ADARB1: variants seen among roughly 807,000 people sequenced by gnomAD.
ADARB1 encodes adenosine deaminase RNA specific B1.
Under a neutral mutation model 52.4 loss-of-function variants are expected in ADARB1, and 10 were observed. The ratio of observed to expected loss-of-function variants is 0.19; its 90% CI spans 0.12 to 0.32. The LOEUF (loss-of-function observed/expected upper bound fraction) is 0.32, where lower values mean the gene tolerates loss of function less well. ADARB1 is among the 10% of genes least tolerant of loss of function. The probability of loss-of-function intolerance (pLI) is 1.00; values close to 1 mark genes in which losing one functional copy is unlikely to be tolerated. For synonymous variants in ADARB1, 349 were observed against 371.1 expected, an observed-to-expected ratio of 0.94 and a Z score of 0.68; for missense variants, 643 against 922.3, an observed-to-expected ratio of 0.70 and a Z score of 3.92.
At chr21:45,162,136 A>G (rs373887564) in intron 2 of ADARB1, among the ~76,000 whole-genome samples, 1 of 152,172 alleles carries the variant, frequency 6.6e-6, no homozygotes, top group Middle Eastern at 3.2e-3. Flanking sequence ...GAAGAGCTGC[A>G]GCCCTTCAAG....
Position 45,224,005 on chromosome 21 carries a change from T to C in ADARB1, c.*1808T>C, listed in dbSNP as rs1296529823. ...CCGCTCCGTCACCACAGTGGGGTTT[T>C]GTTCAGGCAGATCGCGCTGGGGTTC... On this transcript the variant is annotated 3_prime_UTR_variant, in exon 11 of 11. Transcript: ENST00000348831. 1.0e-6 allele frequency: 1 copy of C among 985,352 alleles called. No homozygotes were observed. Among genetic ancestry groups the C allele is most frequent in the East Asian group, 1.1e-4 (1 of 8,814 alleles). The allele number at this position is 985,352 out of a possible 1,614,324, so 61.0% of individuals were successfully genotyped here. A position where few individuals can be genotyped will look rare whatever the true frequency, so the allele number is the denominator to read the frequency against.
intron 9 of ADARB1, among the ~76,000 whole-genome samples, chr21:45,215,206 C>G (rs1045865289): frequency 4.6e-5 from 7 of 151,996 alleles, no homozygotes; most frequent in Non-Finnish European, 7.4e-5. Context: ...TGCCACCATG[C>G]CTGGTTCATT....
At chr21:45,087,966 T>G (rs1361251358) in intron 1 of ADARB1, among the ~76,000 whole-genome samples, 1 of 152,158 alleles carries the variant, frequency 6.6e-6, no homozygotes, top group Non-Finnish European at 1.5e-5. Flanking sequence ...ATTGAACAAA[T>G]AAGCAGAATC....
At chr21:45,076,001 A>G (rs963764557) in intron 1 of ADARB1, among the ~76,000 whole-genome samples, 3 of 152,030 alleles carry the variant, frequency 2.0e-5, no homozygotes, top group Admixed American at 2.0e-4. Context: ...TTCCTCTTAA[A>G]TTTTGCCGTA....
At chr21:45,114,339 T>TA (rs1206916158) in intron 1 of ADARB1, among the ~76,000 whole-genome samples, 1 of 152,180 alleles carries the variant, frequency 6.6e-6, no homozygotes, top group Non-Finnish European at 1.5e-5. Flanking sequence ...CATTGTGACA[T>TA]ACTTGTCCAC....
At chr21:45,210,086 T>G (rs2092738047) in intron 9 of ADARB1, among the ~76,000 whole-genome samples, 1 of 152,214 alleles carries the variant, frequency 6.6e-6, no homozygotes, top group African/African-American at 2.4e-5. Context: ...CGTCTCTTGC[T>G]CTAGTTCTCC....
rs2092986084 is a variant in ADARB1, at chr21:45,222,616, T to C, written c.*419T>C. On this transcript the variant is annotated 3_prime_UTR_variant, in exon 11 of 11. Transcript: ENST00000348831. ...TGTGGTTTATAAAATAGGAAGTAAT[T>C]GTGTCAGGTCACTTTTATGCCACAT... The C allele has an allele frequency of 1.0e-6, 1 of 998,534 alleles. No individual in the cohort carries two copies. Among genetic ancestry groups the C allele is most frequent in the African/African-American group, 1.7e-5 (1 of 57,794 alleles). The allele number at this position is 998,534 out of a possible 1,614,324, so 61.9% of individuals were successfully genotyped here.
At chr21:45,156,021 C>T (rs2090572328) in intron 2 of ADARB1, among the ~76,000 whole-genome samples, 1 of 150,594 alleles carries the variant, frequency 6.6e-6, no homozygotes, top group Non-Finnish European at 1.5e-5. Context: ...CACCCACCCA[C>T]CATCACCCAT....
At chr21:45,215,003 T>G (rs1602036629) in intron 9 of ADARB1, among the ~76,000 whole-genome samples, 1 of 152,186 alleles carries the variant, frequency 6.6e-6, no homozygotes, top group Admixed American at 6.5e-5. Flanking sequence ...GGGAACACAT[T>G]CAGTCTTTCA....
chr21:45,093,560 A>T (rs1405252448), intron 1 of ADARB1, among the ~76,000 whole-genome samples: 1 of 152,014 alleles, frequency 6.6e-6, no homozygotes, highest in Non-Finnish European at 1.5e-5. Flanking sequence ...ACTAGGTCTT[A>T]CCCTGTTTGG....
At chr21:45,207,134 C>T (rs577603054) in intron 9 of ADARB1, among the ~76,000 whole-genome samples, 3 of 152,328 alleles carry the variant, frequency 2.0e-5, no homozygotes, top group Admixed American at 6.5e-5. Flanking sequence ...AATAAAAGGA[C>T]ACCACTCAAG....
At position 45,204,508 on chromosome 21, in the gene ADARB1, A is replaced by C. The variant is rs1403095751; in HGVS notation, c.1566-47A>C. ...CGCAGGCTTGGGCTGGGCTGCGTCGACACTGAGTCCGAGCTCCCTGAAGAC... is the reference window on the plus strand; with the variant it reads ...CGCAGGCTTGGGCTGGGCTGCGTCGCCACTGAGTCCGAGCTCCCTGAAGAC... On this transcript the variant is annotated intron_variant, in intron 8 of 10. Coordinates refer to ENST00000348831, the MANE Select transcript of ADARB1 (RefSeq NM_001112.4). The surrounding 1 kb of genome is among the most constrained non-coding windows in gnomAD (Gnocchi z 4.4). 1.9e-6 allele frequency: 3 copies of C among 1,590,962 alleles called. No homozygotes were observed. In the African/African-American group the frequency reaches 4.2e-5, roughly 22 times the overall value.
chr21:45,083,318 T>C (rs2086221418), intron 1 of ADARB1, among the ~76,000 whole-genome samples: 2 of 152,244 alleles, frequency 1.3e-5, no homozygotes, highest in South Asian at 4.1e-4. Context: ...CCCCCCATCC[T>C]ATTGTACTTG....
Position 45,144,776 on chromosome 21 carries a change from C to G in ADARB1, c.-48+16203C>G, listed in dbSNP as rs530305011. 1.1e-4 allele frequency: 38 copies of G among 361,074 alleles called. No individual in the cohort carries two copies. In the Admixed American group the frequency reaches 1.3e-3, roughly 12 times the overall value. The allele number at this position is 361,074 out of a possible 1,614,324, so 22.4% of individuals were successfully genotyped here. A position where few individuals can be genotyped will look rare whatever the true frequency, so the allele number is the denominator to read the frequency against. On this transcript the variant is annotated intron_variant, in intron 2 of 10. Coordinates refer to ENST00000348831, the MANE Select transcript of ADARB1 (RefSeq NM_001112.4). ...GCCAGTGCCCCACCAGGGCACCTTT[C>G]CACTTGCTGGCACACAGATTTACCA...
intron 1 of ADARB1, among the ~76,000 whole-genome samples, chr21:45,105,589 C>T (rs1601361284): frequency 6.6e-6 from 1 of 152,150 alleles, no homozygotes; most frequent in Non-Finnish European, 1.5e-5. Flanking sequence ...AGAGAAAACT[C>T]GTAAGTGCCC....
rs2092625569 is a variant in ADARB1 at position 45,204,427 on chromosome 21, A to G, written c.1566-128A>G. 3 of 834,582 alleles carry G rather than the reference A, an allele frequency of 3.6e-6. No individual in the cohort carries two copies. The highest frequency in any genetic ancestry group is 5.6e-6 in the Non-Finnish European group (3 of 531,480). The allele number at this position is 834,582 out of a possible 1,614,324, so 51.7% of individuals were successfully genotyped here. A position where few individuals can be genotyped will look rare whatever the true frequency, so the allele number is the denominator to read the frequency against. The stretch of plus-strand genomic sequence containing the variant: ...AATCAGTCTGTTAACTTTTTGTTGC[A>G]CTCCTTCGTCAGTTGGTTGGGATCC... On this transcript the variant is annotated intron_variant, in intron 8 of 10. Transcript: ENST00000348831. The surrounding 1 kb of genome is among the most constrained non-coding windows in gnomAD (Gnocchi z 4.4).
At chr21:45,119,761 C>G (rs550288202) in intron 1 of ADARB1, among the ~76,000 whole-genome samples, 3 of 152,146 alleles carry the variant, frequency 2.0e-5, no homozygotes, top group African/African-American at 7.2e-5. Flanking sequence ...ACTTAGGGTA[C>G]TTATAAGTTG....
At chr21:45,098,008 C>T (rs572086014) in intron 1 of ADARB1, among the ~76,000 whole-genome samples, 1 of 152,322 alleles carries the variant, frequency 6.6e-6, no homozygotes, top group Admixed American at 6.5e-5. Flanking sequence ...AACACCCACC[C>T]AGCTGCTGGA....
chr21:45,197,667 C>G (rs2092456504), intron 8 of ADARB1, among the ~76,000 whole-genome samples: 3 of 152,048 alleles, frequency 2.0e-5, no homozygotes. Flanking sequence ...GGAAGCAATC[C>G]ACGCAGCCAT....
Sources: gnomAD v4.1 joint callset for allele counts (sites outside exome capture counted in the v4.1 genomes callset) on GRCh38, gnomAD v4.1.1 for gene constraint, Gnocchi (gnomAD v3.1) non-coding constraint, MANE v1.5 for transcripts, NCBI Gene and HGNC (gene_info 2026-07-23, HGNC 2026-07-21) for gene names.